INPP4A: variants seen among roughly 807,000 people sequenced by gnomAD.
The protein encoded by INPP4A is inositol polyphosphate-4-phosphatase type I A.
A neutral mutation model predicts 119.8 loss-of-function variants in INPP4A; 33 were observed. The observed-to-expected ratio is 0.28, with a 90% confidence interval of 0.21 to 0.37. The LOEUF (loss-of-function observed/expected upper bound fraction) is 0.37. Ranked by LOEUF, INPP4A falls within the 10% of genes least tolerant of loss-of-function variation. The pLI is 1.00. For missense variants in INPP4A, 956 were observed against 1,289.9 expected, an observed-to-expected ratio of 0.74 and a Z score of 3.97; for synonymous variants, 496 against 500.7, an observed-to-expected ratio of 0.99 and a Z score of 0.12.
intron 1 of INPP4A, among the ~76,000 whole-genome samples, chr2:98,518,141 A>C (rs1686505961): frequency 6.6e-6 from 1 of 152,218 alleles, no homozygotes; most frequent in Non-Finnish European, 1.5e-5. Flanking sequence ...AGATATTAGT[A>C]CTGTAAGCAC....
chr2:98,510,530 G>A (rs1684920741), intron 1 of INPP4A, among the ~76,000 whole-genome samples: 1 of 152,216 alleles, frequency 6.6e-6, no homozygotes, highest in Non-Finnish European at 1.5e-5. Context: ...GGCATTTAGG[G>A]TCTGCTGAGG....
chr2:98,546,771 A>G lies in INPP4A; in HGVS notation c.1163+77A>G, dbSNP rs950023958. 1.1e-6 allele frequency: 1 copy of G among 943,672 alleles called. No homozygotes were observed. Among genetic ancestry groups the G allele is most frequent in the African/African-American group, 1.6e-5 (1 of 61,160 alleles). The allele number at this position is 943,672 out of a possible 1,614,324, so 58.5% of individuals were successfully genotyped here. Reference sequence around the variant, plus strand: ...TTTCTCAGTTTAAAATAAAATCAAAATATGACCGCAAAAACACCCAGCCAT... The same window carrying G: ...TTTCTCAGTTTAAAATAAAATCAAAGTATGACCGCAAAAACACCCAGCCAT... On this transcript the variant is annotated intron_variant, in intron 13 of 24. Coordinates refer to ENST00000409851, the MANE Select transcript of INPP4A (RefSeq NM_001134225.2). The surrounding 1 kb of genome is among the most constrained non-coding windows in gnomAD (Gnocchi z 4.2).
chr2:98,452,547 C>T (rs1022050085), intron 1 of INPP4A, among the ~76,000 whole-genome samples: 1 of 152,182 alleles, frequency 6.6e-6, no homozygotes, highest in African/African-American at 2.4e-5. Context: ...CCTAGAATAG[C>T]AAGAAGGAAG....
chr2:98,455,202 G>A (rs1002862269), intron 1 of INPP4A, among the ~76,000 whole-genome samples: 8 of 152,116 alleles, frequency 5.3e-5, no homozygotes, highest in African/African-American at 1.9e-4. Flanking sequence ...GCCAGGTATA[G>A]TAGTGCACAC....
intron 1 of INPP4A, among the ~76,000 whole-genome samples, chr2:98,457,559 G>A (rs868158660): frequency 2.0e-4 from 31 of 152,208 alleles, no homozygotes; most frequent in African/African-American, 4.3e-4. Context: ...TTTGTCATGG[G>A]AACTAGCAGC....
intron 22 of INPP4A, among the ~76,000 whole-genome samples, chr2:98,572,572 CCCAGCCCCTCAGAAGA>C (rs1697661854): frequency 6.6e-6 from 1 of 152,212 alleles, no homozygotes; most frequent in Admixed American, 6.5e-5. Context: ...GGTGGCCATT[CCCAGCCCCTCAGAAGA>C]ACTGAAGGGA....
chr2:98,533,150 T>G (rs1689568811), intron 4 of INPP4A, among the ~76,000 whole-genome samples: 1 of 152,232 alleles, frequency 6.6e-6, no homozygotes, highest in Non-Finnish European at 1.5e-5. Context: ...AGCGCAGCCT[T>G]TCACTGAAGT....
rs1574679343 is a variant in INPP4A, at chr2:98,487,109, A to G, written c.-165-31855A>G. On this transcript the variant is annotated intron_variant, in intron 1 of 24. Transcript: ENST00000409851. ...CAAAGAGTGCCTGAAGTTCTCCCATATGATACCTCCTGCCAGGCTGTTGTT... is the reference window on the plus strand; with the variant it reads ...CAAAGAGTGCCTGAAGTTCTCCCATGTGATACCTCCTGCCAGGCTGTTGTT... Among the ~76,000 whole-genome samples the G allele has an allele frequency of 2.6e-5, 4 of 152,360 alleles. No homozygotes were observed. In the South Asian group the frequency reaches 8.3e-4, roughly 32 times the overall value.
chr2:98,529,817 TAAAAG>T (rs1039425846), intron 4 of INPP4A, among the ~76,000 whole-genome samples: 19 of 152,308 alleles, frequency 1.2e-4, no homozygotes, highest in African/African-American at 3.4e-4. Context: ...AATCATATCT[TAAAAG>T]AAACGTAGTA....
intron 1 of INPP4A, among the ~76,000 whole-genome samples, chr2:98,457,938 C>A (rs1696412003): frequency 6.6e-6 from 1 of 151,384 alleles, no homozygotes. Context: ...TTAGCAAGGA[C>A]TACAGGCATA....
At chr2:98,469,453 T>C (rs1449994173) in intron 1 of INPP4A, among the ~76,000 whole-genome samples, 1 of 148,632 alleles carries the variant, frequency 6.7e-6, no homozygotes, top group Non-Finnish European at 1.5e-5. Context: ...TGAGCCGAGA[T>C]CGCGCCATTG....
intron 4 of INPP4A, 98 bp from the exon 5 acceptor site, chr2:98,533,279 C>G (rs1011685067): frequency 1.8e-5 from 13 of 731,084 alleles, no homozygotes; most frequent in Non-Finnish European, 3.1e-5. Flanking sequence ...CTTTGAATGT[C>G]ATTTACTCTT....
At chr2:98,450,870 C>T (rs1435253212) in intron 1 of INPP4A, among the ~76,000 whole-genome samples, 1 of 152,148 alleles carries the variant, frequency 6.6e-6, no homozygotes, top group Non-Finnish European at 1.5e-5. Context: ...CCCCTGGGTT[C>T]AAGCAGTACT....
chr2:98,530,633 A>G (rs541440709), intron 4 of INPP4A, among the ~76,000 whole-genome samples: 33 of 152,344 alleles, frequency 2.2e-4, no homozygotes, highest in African/African-American at 7.7e-4. Context: ...GTCTGGAGAA[A>G]GCACCATCCT....
At chr2:98,500,394 A>G (rs1682884312) in intron 1 of INPP4A, among the ~76,000 whole-genome samples, 1 of 152,160 alleles carries the variant, frequency 6.6e-6, no homozygotes, top group Non-Finnish European at 1.5e-5. Context: ...GCTGTCCTCC[A>G]TGCATCCTGC....
In INPP4A at chr2:98,522,955, G is replaced by A. The variant is rs1167971188; in HGVS notation, c.151+2224G>A. 3.9e-5 allele frequency among the ~76,000 whole-genome samples: 6 copies of A among 152,324 alleles called. No individual in the cohort carries two copies. In the South Asian group the frequency reaches 1.2e-3, roughly 32 times the overall value. ...AAGAAACTTGTTTCAGCTGCACAGA[G>A]TTGTACAGCAAAAATTTACTTCCCC... is the stretch of plus-strand genomic sequence containing the variant. On this transcript the variant is annotated intron_variant, in intron 4 of 24. Coordinates refer to ENST00000409851, the MANE Select transcript of INPP4A (RefSeq NM_001134225.2).
At chr2:98,480,936 TGTG>T (rs1195840962) in intron 1 of INPP4A, among the ~76,000 whole-genome samples, 1 of 152,260 alleles carries the variant, frequency 6.6e-6, no homozygotes, top group African/African-American at 2.4e-5. Flanking sequence ...AGGAAGGAGT[TGTG>T]GTGCTGCACG....
chr2:98,586,575 T>C (rs920623623), intron 24 of INPP4A, among the ~76,000 whole-genome samples: 11 of 152,362 alleles, frequency 7.2e-5, no homozygotes, highest in African/African-American at 2.6e-4. Context: ...TGTCTACACC[T>C]GAACATTTCC....
intron 1 of INPP4A, among the ~76,000 whole-genome samples, chr2:98,490,385 G>C (rs759651109): frequency 6.3e-4 from 96 of 151,912 alleles, no homozygotes; most frequent in Non-Finnish European, 1.4e-3. Flanking sequence ...AACAGCCCTT[G>C]GCCCTGGAGA....
Sources: allele counts gnomAD v4.1 joint callset (sites outside exome capture counted in the v4.1 genomes callset), GRCh38; gene constraint gnomAD v4.1.1; non-coding constraint Gnocchi (gnomAD v3.1); transcripts MANE v1.5; gene names NCBI Gene and HGNC (gene_info 2026-07-23, HGNC 2026-07-21).